Variants in QNG1 observed in about 807,000 individuals in gnomAD.
The protein encoded by QNG1 is queuosine 5'-phosphate N-glycosylase/hydrolase.
At chr9:83,954,490 G>C in the QNG1 span, among the ~76,000 whole-genome samples, 1 of 152,072 alleles carries the variant, frequency 6.6e-6, no homozygotes, top group Admixed American at 6.6e-5. Flanking sequence ...GCAAAGGCAG[G>C]AGAATCGCTT....
At chr9:83,948,435 A>G in the QNG1 span, among the ~76,000 whole-genome samples, 1 of 136,656 alleles carries the variant, frequency 7.3e-6, no homozygotes, top group Non-Finnish European at 1.6e-5. Flanking sequence ...GGTGGGGGGC[A>G]GCCCCCCCGC....
chr9:83,948,493 G>A, the QNG1 span, among the ~76,000 whole-genome samples: 15 of 147,422 alleles, frequency 1.0e-4, no homozygotes, highest in South Asian at 2.2e-3. Context: ...GCCTCCGCCC[G>A]GCCACCGCCC....
chr9:83,948,072 G>A, the QNG1 span, among the ~76,000 whole-genome samples: 1 of 151,142 alleles, frequency 6.6e-6, no homozygotes, highest in East Asian at 2.0e-4. Context: ...AGTGAGGAGC[G>A]TCTCTGCCCG....
the QNG1 span, chr9:83,939,741 C>A: frequency 6.2e-7 from 1 of 1,611,660 alleles, no homozygotes; most frequent in Non-Finnish European, 8.5e-7. Context: ...GAGAGCATTT[C>A]TCCTGCAAGG....
At chr9:83,938,372 TAGAC>T in the QNG1 span, 8 of 152,172 alleles carry the variant, frequency 5.3e-5, no homozygotes, top group African/African-American at 1.9e-4. Flanking sequence ...AAAAACAAAT[TAGAC>T]AGATATCCTA....
chr9:83,940,171 G>A, the QNG1 span, among the ~76,000 whole-genome samples: 1 of 152,178 alleles, frequency 6.6e-6, no homozygotes, highest in Admixed American at 6.6e-5. Flanking sequence ...TTGGGAGGCT[G>A]AGGTAGGAGG....
chr9:83,956,957 G>A, the QNG1 span: 1 of 154,940 alleles, frequency 6.5e-6, no homozygotes, highest in Non-Finnish European at 1.4e-5. Context: ...GGGTCGCGAT[G>A]CCCCCACCCC....
the QNG1 span, among the ~76,000 whole-genome samples, chr9:83,940,867 C>T: frequency 6.6e-5 from 10 of 152,210 alleles, no homozygotes; most frequent in African/African-American, 2.2e-4. Flanking sequence ...CCAACTCTCC[C>T]ATGGGCTTAG....
the QNG1 span, among the ~76,000 whole-genome samples, chr9:83,944,272 T>C: frequency 6.6e-6 from 1 of 152,356 alleles, no homozygotes; most frequent in South Asian, 2.1e-4. Context: ...ACACAAACTT[T>C]TCAACCCAAT....
At chr9:83,952,661 G>A in the QNG1 span, among the ~76,000 whole-genome samples, 1 of 152,030 alleles carries the variant, frequency 6.6e-6, no homozygotes, top group Non-Finnish European at 1.5e-5. Context: ...CGCGCGTGGT[G>A]GCGGGCACCT....
the QNG1 span, among the ~76,000 whole-genome samples, chr9:83,955,150 G>C: frequency 6.6e-6 from 1 of 152,158 alleles, no homozygotes; most frequent in South Asian, 2.1e-4. Flanking sequence ...GGTGAGCCAA[G>C]ATCACGCCAC....
the QNG1 span, chr9:83,956,645 T>C: frequency 1.3e-5 from 8 of 628,074 alleles, no homozygotes; most frequent in South Asian, 2.6e-5. Flanking sequence ...GAGAACTTAG[T>C]GCAGCCAAGG....
At chr9:83,944,991 T>C in the QNG1 span, 7 of 1,593,518 alleles carry the variant, frequency 4.4e-6, no homozygotes, top group Non-Finnish European at 6.0e-6. Context: ...TCTTTTCCCC[T>C]GATGAATGAA....
the QNG1 span, among the ~76,000 whole-genome samples, chr9:83,949,668 A>C: frequency 4.8e-5 from 7 of 145,690 alleles, no homozygotes; most frequent in African/African-American, 1.8e-4. Flanking sequence ...AAAAACAAAC[A>C]AAAAAAAAAC....
the QNG1 span, among the ~76,000 whole-genome samples, chr9:83,947,517 T>TC: frequency 6.6e-6 from 1 of 152,204 alleles, no homozygotes; most frequent in Non-Finnish European, 1.5e-5. Context: ...AATTTGCCTC[T>TC]CCCTCTCCCT....
the QNG1 span, chr9:83,944,753 A>C: frequency 1.2e-5 from 18 of 1,469,590 alleles, no homozygotes; most frequent in Non-Finnish European, 1.5e-5. Flanking sequence ...CCGAGATCCA[A>C]CAATTCATAG....
At chr9:83,949,732 C>T in the QNG1 span, among the ~76,000 whole-genome samples, 1 of 151,198 alleles carries the variant, frequency 6.6e-6, no homozygotes, top group African/African-American at 2.4e-5. Flanking sequence ...ACAATTACTA[C>T]ACCATCAAGT....
At chr9:83,952,570 G>A in the QNG1 span, among the ~76,000 whole-genome samples, 5 of 151,952 alleles carry the variant, frequency 3.3e-5, no homozygotes, top group Admixed American at 6.6e-5. Flanking sequence ...TGAGGCGGGC[G>A]GATCACCAGG....
the QNG1 span, chr9:83,944,832 A>G: frequency 6.2e-7 from 1 of 1,613,726 alleles, no homozygotes; most frequent in South Asian, 1.1e-5. Flanking sequence ...AGAGTATTTC[A>G]GGGCTCCAAG....
Sources: gnomAD v4.1 joint callset for allele counts (sites outside exome capture counted in the v4.1 genomes callset) on GRCh38, gnomAD v4.1.1 for gene constraint, MANE v1.5 for transcripts, NCBI Gene and HGNC (gene_info 2026-07-23, HGNC 2026-07-21) for gene names.